The following MAGI1 variants were observed in gnomAD, a reference collection of about 807,000 sequenced individuals.
The protein encoded by MAGI1 is membrane associated guanylate kinase, WW and PDZ domain containing 1.
MAGI1 carries 58 observed loss-of-function variants against 139.9 expected under a neutral mutation model. That is an observed-to-expected ratio of 0.41 (90% CI 0.34 to 0.52). The LOEUF (loss-of-function observed/expected upper bound fraction) is 0.52, where lower values mean the gene tolerates loss of function less well. Among genes scored for constraint, MAGI1 ranks in the 20% least tolerant of loss-of-function variants. The pLI is 0.12. For missense variants in MAGI1, 1,874 were observed against 1,901.6 expected (o/e 0.99, Z 0.27); for synonymous variants, 812 against 737.9 (o/e 1.10, Z -1.63).
chr3:65,965,119 T>C (rs978216822), intron 1 of MAGI1, among the ~76,000 whole-genome samples: 8 of 152,234 alleles, frequency 5.3e-5, no homozygotes, highest in Non-Finnish European at 7.3e-5. Flanking sequence ...TAAATGGTTT[T>C]CCACTGAGTA....
At chr3:65,775,384 G>C (rs1188653538) in intron 1 of MAGI1, among the ~76,000 whole-genome samples, 1 of 151,090 alleles carries the variant, frequency 6.6e-6, no homozygotes, top group East Asian at 2.0e-4. Flanking sequence ...AGGACTTGGA[G>C]GTTCCAGTAA....
At chr3:65,714,284 G>A (rs2031910747) in intron 1 of MAGI1, among the ~76,000 whole-genome samples, 1 of 152,046 alleles carries the variant, frequency 6.6e-6, no homozygotes, top group Admixed American at 6.6e-5. Flanking sequence ...GAACACTAAG[G>A]CCTGAACACC....
chr3:65,942,488 T>C (rs971938197), intron 1 of MAGI1, among the ~76,000 whole-genome samples: 1 of 152,202 alleles, frequency 6.6e-6, no homozygotes, highest in Non-Finnish European at 1.5e-5. Context: ...AGAAAAAACA[T>C]TTGGCATGAT....
intron 1 of MAGI1, among the ~76,000 whole-genome samples, chr3:65,963,109 T>C (rs1400786706): frequency 1.3e-5 from 2 of 149,532 alleles, no homozygotes; most frequent in South Asian, 2.1e-4. Flanking sequence ...GGCAGATGGA[T>C]TGCCTGAGCT....
intron 1 of MAGI1, among the ~76,000 whole-genome samples, chr3:65,882,413 T>A (rs919978800): frequency 1.3e-5 from 2 of 152,108 alleles, no homozygotes; most frequent in Non-Finnish European, 2.9e-5. Flanking sequence ...GGGTGAATAG[T>A]TTTTATATCA....
At chr3:65,366,556 G>A (rs1342524339) in intron 18 of MAGI1, among the ~76,000 whole-genome samples, 2 of 152,168 alleles carry the variant, frequency 1.3e-5, no homozygotes, top group African/African-American at 2.4e-5. Flanking sequence ...TTAGCACAAT[G>A]GTGACTAGGT....
At chr3:65,732,189 C>T (rs888597955) in intron 1 of MAGI1, among the ~76,000 whole-genome samples, 2 of 152,192 alleles carry the variant, frequency 1.3e-5, no homozygotes, top group African/African-American at 4.8e-5. Flanking sequence ...AGAAAAGTTC[C>T]TGCCTCTTTT....
intron 2 of MAGI1, among the ~76,000 whole-genome samples, chr3:65,590,739 G>T (rs1361924952): frequency 6.6e-6 from 1 of 152,080 alleles, no homozygotes; most frequent in African/African-American, 2.4e-5. Flanking sequence ...CCCAGGATAG[G>T]CAAACCTTCA....
chr3:65,493,396 TCTC>T, intron 3 of MAGI1, 113 bp downstream of exon 3: 3 of 1,191,220 alleles, frequency 2.5e-6, no homozygotes, highest in Non-Finnish European at 2.4e-6. Flanking sequence ...TGAACTGAAA[TCTC>T]CTGTTATTTG....
chr3:65,899,857 A>G (rs949521722), intron 1 of MAGI1, among the ~76,000 whole-genome samples: 10 of 152,334 alleles, frequency 6.6e-5, no homozygotes, highest in African/African-American at 2.4e-4. Context: ...CTGATGCACT[A>G]ATTTTTCAGA....
chr3:65,883,026 T>C (rs1185950434), intron 1 of MAGI1, among the ~76,000 whole-genome samples: 1 of 151,628 alleles, frequency 6.6e-6, no homozygotes, highest in South Asian at 2.1e-4. Context: ...CAGTCAGGTA[T>C]CTTAGCTGCC....
At chr3:65,838,056 G>A (rs1288047532) in intron 1 of MAGI1, among the ~76,000 whole-genome samples, 1 of 152,124 alleles carries the variant, frequency 6.6e-6, no homozygotes, top group East Asian at 1.9e-4. Flanking sequence ...TGCAATATTT[G>A]TGTATGAGTT....
intron 1 of MAGI1, among the ~76,000 whole-genome samples, chr3:65,715,485 T>C (rs965544254): frequency 6.6e-6 from 1 of 152,174 alleles, no homozygotes; most frequent in Non-Finnish European, 1.5e-5. Context: ...GAAATTCCAG[T>C]TGGACCAGCA....
intron 1 of MAGI1, among the ~76,000 whole-genome samples, chr3:65,743,932 T>C (rs1051681467): frequency 1.3e-5 from 2 of 150,964 alleles, no homozygotes; most frequent in Non-Finnish European, 2.9e-5. Flanking sequence ...ACCATGATTA[T>C]GTGTGGGCTT....
At chr3:65,860,318 G>A (rs928485244) in intron 1 of MAGI1, among the ~76,000 whole-genome samples, 5 of 152,096 alleles carry the variant, frequency 3.3e-5, no homozygotes, top group African/African-American at 7.2e-5. Flanking sequence ...TTTATGAATC[G>A]CAAATAAAAG....
intron 1 of MAGI1, among the ~76,000 whole-genome samples, chr3:65,734,869 GAA>G (rs1171607540): frequency 7.1e-6 from 1 of 140,868 alleles, no homozygotes; most frequent in Non-Finnish European, 1.5e-5. Flanking sequence ...GAGGGGAGGT[GAA>G]GAGATGGGAG....
intron 1 of MAGI1, among the ~76,000 whole-genome samples, chr3:65,672,158 G>T (rs1195731450): frequency 6.6e-6 from 1 of 152,120 alleles, no homozygotes; most frequent in African/African-American, 2.4e-5. Flanking sequence ...AATGACACTG[G>T]GGAGTGTGCT....
chr3:65,482,942 C>A (rs948225327), intron 3 of MAGI1, among the ~76,000 whole-genome samples: 4 of 152,320 alleles, frequency 2.6e-5, no homozygotes, highest in Admixed American at 6.5e-5. Flanking sequence ...AGGATTTCTG[C>A]AGAGAAATTT....
intron 1 of MAGI1, among the ~76,000 whole-genome samples, chr3:65,910,777 G>C (rs2061626927): frequency 6.7e-6 from 1 of 148,554 alleles, no homozygotes; most frequent in Non-Finnish European, 1.5e-5. Context: ...TCCTGACCTA[G>C]TAGTTAAATC....
Sources: gnomAD v4.1 joint callset for allele counts (sites outside exome capture counted in the v4.1 genomes callset) on GRCh38, gnomAD v4.1.1 for gene constraint, MANE v1.5 for transcripts, NCBI Gene and HGNC (gene_info 2026-07-23, HGNC 2026-07-21) for gene names.